MAPK10: variants seen among roughly 807,000 people sequenced by gnomAD.
The protein encoded by MAPK10 is JNK3 alpha protein kinase.
MAPK10 carries 25 observed loss-of-function variants against 59.3 expected under a neutral mutation model. The observed-to-expected ratio is 0.42, with a 90% CI of 0.31 to 0.59. The LOEUF is 0.59. MAPK10 is among the 20% of genes least tolerant of loss of function. The pLI, the probability that MAPK10 is intolerant of heterozygous loss-of-function variation, is 0.15. For synonymous variants in MAPK10, 190 were observed against 200.5 expected, an observed-to-expected ratio of 0.95 and a Z score of 0.44; for missense variants, 351 against 568.9, an observed-to-expected ratio of 0.62 and a Z score of 3.90.
intron 1 of MAPK10, among the ~76,000 whole-genome samples, chr4:86,411,327 T>C (rs1308895176): frequency 6.6e-6 from 1 of 152,206 alleles, no homozygotes; most frequent in African/African-American, 2.4e-5. Flanking sequence ...TCCAACTATG[T>C]GGTCAATTAC....
intron 2 of MAPK10, among the ~76,000 whole-genome samples, chr4:86,347,481 A>C (rs1474277340): frequency 1.3e-5 from 2 of 152,178 alleles, no homozygotes; most frequent in East Asian, 3.8e-4. Flanking sequence ...CCATCTTCCT[A>C]AGACACATAG....
intron 4 of MAPK10, among the ~76,000 whole-genome samples, chr4:86,144,222 T>C (rs2064301576): frequency 6.6e-6 from 1 of 152,174 alleles, no homozygotes. Context: ...AAGTAGGGGT[T>C]GTTAAAAACA....
intron 11 of MAPK10, among the ~76,000 whole-genome samples, chr4:86,059,121 T>G (rs1219413301): frequency 1.3e-5 from 2 of 152,180 alleles, no homozygotes; most frequent in Admixed American, 1.3e-4. Flanking sequence ...CACAAGAAGA[T>G]TAAAAATAAA....
chr4:86,154,884 T>C (rs1181681051), intron 4 of MAPK10, among the ~76,000 whole-genome samples: 2 of 152,128 alleles, frequency 1.3e-5, no homozygotes, highest in Admixed American at 6.6e-5. Flanking sequence ...TCCTGAGAAC[T>C]TCATCAATTT....
intron 9 of MAPK10, among the ~76,000 whole-genome samples, chr4:86,092,881 T>A (rs1178270817): frequency 6.6e-6 from 1 of 152,044 alleles, no homozygotes; most frequent in East Asian, 1.9e-4. Flanking sequence ...TCATCATCAT[T>A]CTATCATTCC....
intron 3 of MAPK10, among the ~76,000 whole-genome samples, chr4:86,173,496 GA>G (rs1292232408): frequency 6.6e-6 from 1 of 151,430 alleles, no homozygotes; most frequent in East Asian, 1.9e-4. Context: ...ACTTAAATAA[GA>G]AAAATGTAAA....
intron 1 of MAPK10, among the ~76,000 whole-genome samples, chr4:86,558,667 T>G (rs761992379): frequency 6.6e-6 from 1 of 152,164 alleles, no homozygotes; most frequent in Non-Finnish European, 1.5e-5. Context: ...ACTTTTTCAC[T>G]CTGAGAAGTT....
At chr4:86,478,844 C>A (rs1209107516) in intron 1 of MAPK10, among the ~76,000 whole-genome samples, 1 of 152,212 alleles carries the variant, frequency 6.6e-6, no homozygotes, top group Non-Finnish European at 1.5e-5. Flanking sequence ...GTTCAAGCCA[C>A]TAGCCTGCCT....
intron 1 of MAPK10, among the ~76,000 whole-genome samples, chr4:86,486,921 CT>C (rs1207632566): frequency 6.6e-6 from 1 of 152,172 alleles, no homozygotes; most frequent in Non-Finnish European, 1.5e-5. Context: ...TCACTGATGT[CT>C]TATGCAGCAA....
At chr4:86,345,267 G>A (rs1371677540) in intron 2 of MAPK10, among the ~76,000 whole-genome samples, 1 of 152,162 alleles carries the variant, frequency 6.6e-6, no homozygotes, top group Non-Finnish European at 1.5e-5. Context: ...CCACTTGGAT[G>A]AGACCGCTTA....
At chr4:86,324,801 T>C (rs527240500) in intron 2 of MAPK10, among the ~76,000 whole-genome samples, 1 of 152,210 alleles carries the variant, frequency 6.6e-6, no homozygotes, top group Non-Finnish European at 1.5e-5. Flanking sequence ...TCCTTGCCTC[T>C]ACTTACAATC....
chr4:86,577,548 G>GA (rs926478457), intron 1 of MAPK10, among the ~76,000 whole-genome samples: 16 of 152,002 alleles, frequency 1.1e-4, no homozygotes, highest in Non-Finnish European at 1.8e-4. Flanking sequence ...CCCTGAAATG[G>GA]AAAAATGTGT....
intron 3 of MAPK10, among the ~76,000 whole-genome samples, chr4:86,165,680 C>A (rs753554194): frequency 6.8e-6 from 1 of 147,976 alleles, no homozygotes; most frequent in East Asian, 2.1e-4. Context: ...ATATTACAGG[C>A]GTGAGCCACA....
intron 8 of MAPK10, 64 bp from the exon 9 acceptor site, chr4:86,098,659 A>C: frequency 7.8e-7 from 1 of 1,275,096 alleles, no homozygotes; most frequent in Non-Finnish European, 1.1e-6. Context: ...AAGATAATTG[A>C]CTTCTGAAGG....
chr4:86,396,371 T>C (rs1272136329), intron 1 of MAPK10, among the ~76,000 whole-genome samples: 3 of 152,082 alleles, frequency 2.0e-5, no homozygotes, highest in African/African-American at 7.2e-5. Flanking sequence ...AAGTAGCGTT[T>C]CCAACAGAGA....
At chr4:86,163,537 GA>G (rs201121903) in intron 3 of MAPK10, among the ~76,000 whole-genome samples, 2 of 151,284 alleles carry the variant, frequency 1.3e-5, no homozygotes, top group Admixed American at 6.6e-5. Flanking sequence ...AACCTACAAA[GA>G]AAAAAAAATT....
At chr4:86,593,869 G>C (rs1763314401) in intron 1 of MAPK10, 1 of 152,270 alleles carries the variant, frequency 6.6e-6, no homozygotes, top group African/African-American at 2.4e-5. Flanking sequence ...TAGAAACAAG[G>C]CTGAGAGGCA....
At chr4:86,356,043 T>TCACACACACA (rs34547847) in intron 1 of MAPK10, among the ~76,000 whole-genome samples, 1 of 149,114 alleles carries the variant, frequency 6.7e-6, no homozygotes, top group Admixed American at 6.7e-5. Flanking sequence ...TTGTTTTTCT[T>TCACACACACA]CACACACACA....
intron 2 of MAPK10, among the ~76,000 whole-genome samples, chr4:86,255,578 A>T (rs930746127): frequency 6.6e-6 from 1 of 152,230 alleles, no homozygotes; most frequent in African/African-American, 2.4e-5. Context: ...AACTCAAAGT[A>T]CAATCTTATT....
Sources: allele counts gnomAD v4.1 joint callset (sites outside exome capture counted in the v4.1 genomes callset), GRCh38; gene constraint gnomAD v4.1.1; transcripts MANE v1.5; gene names NCBI Gene and HGNC (gene_info 2026-07-23, HGNC 2026-07-21).